The following TBC1D22A variants were observed in gnomAD, a reference collection of about 807,000 sequenced individuals.
The protein encoded by TBC1D22A is putative GTPase activator.
Under a neutral mutation model 60.2 loss-of-function variants are expected in TBC1D22A, and 38 were observed. That is an observed-to-expected ratio of 0.63 (90% CI 0.49 to 0.83). TBC1D22A has a LOEUF of 0.83. TBC1D22A is among the 40% of genes least tolerant of loss of function. The pLI is 0.00. For missense variants in TBC1D22A, 628 were observed against 701.0 expected, an observed-to-expected ratio of 0.90 and a Z score of 1.18; for synonymous variants, 302 against 281.7, an observed-to-expected ratio of 1.07 and a Z score of -0.72.
Position 47,160,568 on chromosome 22 carries a change from C to G in TBC1D22A, c.1426-12930C>G, listed in dbSNP as rs952904145. On this transcript the variant is annotated intron_variant, in intron 12 of 12. Transcript: ENST00000337137. ...GTCTAGGCCTGCGCCTCCCCAGCCC[C>G]GTCCTCTCTACCTCACCCCGGACCA... is the stretch of plus-strand genomic sequence containing the variant. Among the ~76,000 whole-genome samples the G allele has an allele frequency of 7.4e-4, 112 of 152,202 alleles. 1 individual carries two copies. Among genetic ancestry groups the G allele is most frequent in the Non-Finnish European group, 5.9e-5 (4 of 68,024 alleles).
intron 11 of TBC1D22A, among the ~76,000 whole-genome samples, chr22:47,080,725 A>G (rs1308810676): frequency 6.6e-6 from 1 of 152,108 alleles, no homozygotes; most frequent in African/African-American, 2.4e-5. Flanking sequence ...ATTAAACCCA[A>G]AGGAAGTAGA....
intron 12 of TBC1D22A, among the ~76,000 whole-genome samples, chr22:47,147,326 C>T (rs146218865): frequency 9.2e-5 from 14 of 152,334 alleles, no homozygotes; most frequent in South Asian, 2.1e-4. Flanking sequence ...GTTTTGTTCT[C>T]GTAAAAACCA....
intron 4 of TBC1D22A, among the ~76,000 whole-genome samples, chr22:46,837,811 C>T (rs1200757525): frequency 9.9e-5 from 15 of 152,188 alleles, no homozygotes; most frequent in Admixed American, 9.8e-4. Flanking sequence ...CGCCTGTAAT[C>T]CCAGCACTTT....
At chr22:47,129,267 G>A (rs1182767531) in intron 12 of TBC1D22A, among the ~76,000 whole-genome samples, 3 of 152,166 alleles carry the variant, frequency 2.0e-5, no homozygotes, top group South Asian at 2.1e-4. Flanking sequence ...TCACGAGGTC[G>A]AGAGATCAAG....
intron 11 of TBC1D22A, among the ~76,000 whole-genome samples, chr22:47,092,734 A>G (rs2065026189): frequency 6.6e-6 from 1 of 152,216 alleles, no homozygotes; most frequent in Admixed American, 6.5e-5. Context: ...AGCTAAGTTC[A>G]GTCTACAGAG....
At chr22:47,049,761 C>A (rs917083571) in intron 11 of TBC1D22A, among the ~76,000 whole-genome samples, 9 of 152,174 alleles carry the variant, frequency 5.9e-5, no homozygotes, top group African/African-American at 2.2e-4. Flanking sequence ...ATATTCTGGC[C>A]TGTGGATAGA....
At chr22:46,915,635 A>C (rs1350541205) in intron 8 of TBC1D22A, 3 of 456,558 alleles carry the variant, frequency 6.6e-6, no homozygotes, top group African/African-American at 2.0e-5. Flanking sequence ...CAGTTAATCA[A>C]AGGTTTAAGA....
At chr22:47,011,354 C>T (rs1402888736) in intron 10 of TBC1D22A, among the ~76,000 whole-genome samples, 2 of 152,188 alleles carry the variant, frequency 1.3e-5, no homozygotes, top group Non-Finnish European at 2.9e-5. Context: ...GACTCCTGAC[C>T]AGCATCTTGT....
chr22:47,130,338 G>A (rs959945614), intron 12 of TBC1D22A, among the ~76,000 whole-genome samples: 4 of 151,908 alleles, frequency 2.6e-5, no homozygotes, highest in Admixed American at 6.6e-5. Flanking sequence ...CCCCCCAAGC[G>A]CAGCCCCCTT....
intron 8 of TBC1D22A, among the ~76,000 whole-genome samples, chr22:46,964,953 C>T (rs960600452): frequency 1.3e-5 from 2 of 152,170 alleles, no homozygotes; most frequent in Non-Finnish European, 2.9e-5. Context: ...CGGTGGGGTT[C>T]CCAGCTGGGA....
intron 8 of TBC1D22A, among the ~76,000 whole-genome samples, chr22:46,933,082 T>C (rs2071448938): frequency 6.6e-6 from 1 of 152,216 alleles, no homozygotes; most frequent in Non-Finnish European, 1.5e-5. Context: ...GCTTGCTGGC[T>C]GCCATTGTCT....
chr22:47,040,691 C>A (rs1437350850), intron 11 of TBC1D22A, among the ~76,000 whole-genome samples: 1 of 152,098 alleles, frequency 6.6e-6, no homozygotes, highest in African/African-American at 2.4e-5. Context: ...TGGGAGGTTA[C>A]CCCGTGCGGG....
chr22:46,814,792 G>A (rs535727190), intron 4 of TBC1D22A, among the ~76,000 whole-genome samples: 10 of 151,096 alleles, frequency 6.6e-5, no homozygotes, highest in African/African-American at 2.2e-4. Flanking sequence ...GTTACAGGCC[G>A]CTGCCACCAC....
At chr22:46,811,332 T>C (rs890024946) in intron 4 of TBC1D22A, among the ~76,000 whole-genome samples, 1 of 152,206 alleles carries the variant, frequency 6.6e-6, no homozygotes, top group Non-Finnish European at 1.5e-5. Context: ...TCTTCATTCA[T>C]CCGTCAGACA....
At chr22:46,992,453 G>A (rs1419738606) in intron 9 of TBC1D22A, among the ~76,000 whole-genome samples, 1 of 152,244 alleles carries the variant, frequency 6.6e-6, no homozygotes, top group Non-Finnish European at 1.5e-5. Context: ...GAACCACCCT[G>A]CACAGTGTAG....
intron 8 of TBC1D22A, among the ~76,000 whole-genome samples, chr22:46,951,783 A>G (rs1402241422): frequency 1.3e-5 from 2 of 152,224 alleles, no homozygotes; most frequent in Admixed American, 6.5e-5. Context: ...AGAAGGCTCA[A>G]ATGCGGAGCT....
chr22:46,806,490 A>C (rs2085144513), intron 4 of TBC1D22A, among the ~76,000 whole-genome samples: 2 of 150,410 alleles, frequency 1.3e-5, no homozygotes, highest in Admixed American at 1.3e-4. Context: ...TATTATTTAA[A>C]AAATATTTAA....
At position 47,111,610 on chromosome 22, in the gene TBC1D22A, A is replaced by C; in HGVS notation, c.1425+7A>C. On this transcript the variant is annotated splice_region_variant and intron_variant, in intron 12 of 12. Transcript: ENST00000337137. The stretch of plus-strand genomic sequence containing the variant: ...AGAAGAAAAAGATTTTCAAGTAAGT[A>C]AATGTCTTTTCAAAAGAACCCAAGT... 6.2e-7 allele frequency: 1 copy of C among 1,610,264 alleles called. No homozygotes were observed. Among genetic ancestry groups the C allele is most frequent in the Non-Finnish European group, 8.5e-7 (1 of 1,177,802 alleles).
Position 47,171,369 on chromosome 22 carries a change from A to T in TBC1D22A, c.1426-2129A>T, listed in dbSNP as rs374754776. Among the ~76,000 whole-genome samples the T allele has an allele frequency of 3.9e-5, 6 of 152,096 alleles. No homozygotes were observed. The East Asian group carries it at 1.2e-3, about 30-fold the overall frequency. On this transcript the variant is annotated intron_variant, in intron 12 of 12. Transcript: ENST00000337137. ...TGAGGGCTCCTCAGCCGCCTTCCTG[A>T]CTTCCTGGATCCAGCTTCTGTTTGG...
Sources: gnomAD v4.1 joint callset for allele counts (sites outside exome capture counted in the v4.1 genomes callset) on GRCh38, gnomAD v4.1.1 for gene constraint, MANE v1.5 for transcripts, NCBI Gene and HGNC (gene_info 2026-07-23, HGNC 2026-07-21) for gene names.